The following TTLL8 variants were observed in gnomAD, a reference collection of about 807,000 sequenced individuals.
The protein encoded by TTLL8 is protein monoglycylase TTLL8.
In TTLL8, 65 loss-of-function variants were observed where a neutral mutation model predicts 77.8. The ratio of observed to expected loss-of-function variants is 0.84; its 90% confidence interval spans 0.68 to 1.03. The LOEUF (loss-of-function observed/expected upper bound fraction) is 1.03, where lower values mean the gene tolerates loss of function less well. Among genes scored for constraint, TTLL8 ranks in the 50% least tolerant of loss-of-function variants. TTLL8 has a pLI of 0.00. For missense variants in TTLL8, 910 were observed against 1,004.5 expected (o/e 0.91, Z 1.27); for synonymous variants, 402 against 422.8 (o/e 0.95, Z 0.60).
At chr22:50,045,626 T>A (rs1252579045) in intron 5 of TTLL8, among the ~76,000 whole-genome samples, 1 of 152,164 alleles carries the variant, frequency 6.6e-6, no homozygotes, top group Non-Finnish European at 1.5e-5. Context: ...TTGCCCCAGC[T>A]GCTCGCCGCG....
At chr22:50,030,442 G>T in exon 12 of TTLL8, 1 of 1,333,300 alleles carries the variant, frequency 7.5e-7, no homozygotes, top group Non-Finnish European at 9.9e-7. Flanking sequence ...TTTCCTCCGG[G>T]CGGCGGACGC....
chr22:50,034,304 G>A lies in TTLL8; in HGVS notation c.1039+41C>T. On this transcript the variant is annotated intron_variant, in intron 9 of 13. Transcript: ENST00000266182. This position sits in a 1 kb window ranked among gnomAD's most constrained non-coding sequence, Gnocchi z 4.1. ...CTCACGGCTCCTGGCATCAAGTGTG[G>A]CCGTTGGTGGCTATGAACGCGGTGC... is the stretch of plus-strand genomic sequence containing the variant. The A allele has an allele frequency of 1.5e-6, 2 of 1,338,348 alleles. No individual in the cohort carries two copies. Among genetic ancestry groups the A allele is most frequent in the South Asian group, 1.2e-5 (1 of 85,698 alleles). The allele number at this position is 1,338,348 out of a possible 1,614,324, so 82.9% of individuals were successfully genotyped here.
chr22:50,047,211 T>A (rs2061418155), exon 4 of TTLL8: 1 of 1,367,622 alleles, frequency 7.3e-7, no homozygotes, highest in Non-Finnish European at 9.8e-7. Flanking sequence ...GTTCAGCATC[T>A]GGTCGTAGGT....
intron 12 of TTLL8, among the ~76,000 whole-genome samples, chr22:50,025,842 C>G (rs1329366266): frequency 1.3e-5 from 2 of 152,150 alleles, no homozygotes; most frequent in Non-Finnish European, 2.9e-5. Context: ...ATGAGATATC[C>G]GTACACCTAC....
chr22:50,024,109 GA>G (rs2146627587), intron 12 of TTLL8, among the ~76,000 whole-genome samples: 1 of 152,302 alleles, frequency 6.6e-6, no homozygotes, highest in East Asian at 1.9e-4. Context: ...AACAAAATTG[GA>G]AAATGTATAC....
intron 12 of TTLL8, 183 bp downstream of exon 13, chr22:50,030,247 G>A: frequency 2.0e-6 from 2 of 985,194 alleles, no homozygotes; most frequent in South Asian, 9.4e-5. Context: ...GTGCCGGGCT[G>A]GGACAGGTGC....
chr22:50,044,829 G>A lies in TTLL8; in HGVS notation c.643+426C>T, dbSNP rs146616546. 2.6e-5 allele frequency among the ~76,000 whole-genome samples: 4 copies of A among 152,206 alleles called. No homozygotes were observed. Among genetic ancestry groups the A allele is most frequent in the South Asian group, 4.2e-4 (2 of 4,816 alleles). The stretch of plus-strand genomic sequence containing the variant: ...TTTGGGTTTTGTCCAAAAACACGAC[G>A]GCTGGTTCACATCCCTGTACCACCC... On this transcript the variant is annotated intron_variant, in intron 6 of 13. Coordinates refer to ENST00000266182, the Ensembl canonical transcript of TTLL8. This position sits in a 1 kb window ranked among gnomAD's most constrained non-coding sequence, Gnocchi z 4.2.
Position 50,032,117 on chromosome 22 carries a change from G to A in TTLL8, c.1284-8C>T, listed in dbSNP as rs1187071755. 7.4e-7 allele frequency: 1 copy of A among 1,348,314 alleles called. No homozygotes were observed. Among genetic ancestry groups the A allele is most frequent in the African/African-American group, 1.5e-5 (1 of 67,494 alleles). 83.5% of individuals were successfully genotyped at this position (1,348,314 alleles called of 1,614,324 possible). A position where few individuals can be genotyped will look rare whatever the true frequency, so the allele number is the denominator to read the frequency against. ...TTGCACAGGTGGATGGCGCTGCAGG[G>A]GGGACGAGGGGCAGGTGCTCAGCCT... is the stretch of plus-strand genomic sequence containing the variant. On this transcript the variant is annotated splice_region_variant and splice_polypyrimidine_tract_variant and intron_variant, in intron 10 of 13. Transcript: ENST00000266182.
Position 50,041,247 on chromosome 22 carries a change from G to A in TTLL8, c.861C>T (p.Cys287=), listed in dbSNP as rs200159067. The A allele has an allele frequency of 5.3e-4, 262 of 497,526 alleles. No homozygotes were observed. The highest frequency in any genetic ancestry group is 6.3e-4 in the Non-Finnish European group (156 of 247,526). The allele number at this position is 497,526 out of a possible 1,614,324, so 30.8% of individuals were successfully genotyped here. The change falls in exon 8 of 14, where the codon TGC becomes TGT. Residue 287 remains cysteine (C), a synonymous_variant. Coordinates refer to ENST00000266182, the Ensembl canonical transcript of TTLL8. This position sits in a 1 kb window ranked among gnomAD's most constrained non-coding sequence, Gnocchi z 4.3. Reference sequence around the variant, plus strand: ...TCATAACCTTCTGGATTTTGAAGATGCACAAGACAATGCTACTCCCCAAAG... The same window carrying A: ...TCATAACCTTCTGGATTTTGAAGATACACAAGACAATGCTACTCCCCAAAG...
intron 2 of TTLL8, among the ~76,000 whole-genome samples, 187 bp from the exon 5 acceptor site, chr22:50,049,509 C>T (rs1289728517): frequency 6.6e-6 from 1 of 152,186 alleles, no homozygotes; most frequent in African/African-American, 2.4e-5. Context: ...ATTCTGGCAG[C>T]CCCCATACAT....
rs764506597 is a variant in TTLL8, at chr22:50,049,240, G to GTCA, written c.264+8_264+9insTGA. Reference sequence around the variant, plus strand: ...CCGCAGCTGACCATGACGCATGCAGGGGACGTACCATCACGTCGTGGATGT... The same window carrying GTCA: ...CCGCAGCTGACCATGACGCATGCAGGTCAGGACGTACCATCACGTCGTGGATGT... On this transcript the variant is annotated intron_variant, in intron 3 of 13. Transcript: ENST00000266182. 3.4e-5 allele frequency: 46 copies of GTCA among 1,367,506 alleles called. No homozygotes were observed. Among genetic ancestry groups the GTCA allele is most frequent in the African/African-American group, 4.4e-5 (3 of 67,754 alleles). The allele number at this position is 1,367,506 out of a possible 1,614,324, so 84.7% of individuals were successfully genotyped here.
In TTLL8 at chr22:50,031,940, T is replaced by A; in HGVS notation, c.1453A>T (p.Lys485Ter). 1 of 1,366,958 alleles carries A rather than the reference T, an allele frequency of 7.3e-7. No homozygotes were observed. The highest frequency in any genetic ancestry group is 1.1e-5 in the South Asian group (1 of 88,056). The allele number at this position is 1,366,958 out of a possible 1,614,324, so 84.7% of individuals were successfully genotyped here. The change falls in exon 11 of 14, where the codon AAG (lysine) becomes TAG (stop). Residue 485 changes from lysine (K) to a stop codon, truncating the protein, a stop_gained. Transcript: ENST00000266182. LOFTEE classifies it high-confidence loss of function. Reference sequence around the variant, plus strand: ...ACCTTCATGGCGTGGGCGATGGCCTTCTTCATGGACGGGTAGATGACGCTG... The same window carrying A: ...ACCTTCATGGCGTGGGCGATGGCCTACTTCATGGACGGGTAGATGACGCTG...
intron 9 of TTLL8, 135 bp from the exon 11 acceptor site, chr22:50,033,580 G>A (rs2146653926): frequency 1.3e-6 from 1 of 745,276 alleles, no homozygotes; most frequent in African/African-American, 1.8e-5. Context: ...AGGCAGCATG[G>A]TTGGTGGGGG....
intron 10 of TTLL8, among the ~76,000 whole-genome samples, chr22:50,032,661 C>T (rs901931980): frequency 6.6e-6 from 1 of 152,202 alleles, no homozygotes; most frequent in Non-Finnish European, 1.5e-5. Flanking sequence ...GTCAGGTCCC[C>T]TAGCGCCTCA....
chr22:50,047,859 A>T (rs2061422134), intron 3 of TTLL8, among the ~76,000 whole-genome samples: 3 of 152,212 alleles, frequency 2.0e-5, no homozygotes, highest in Admixed American at 2.0e-4. Context: ...ACACTTTGGG[A>T]GGCCAAGGCA....
At chr22:50,023,712 T>C (rs1240146220) in intron 12 of TTLL8, among the ~76,000 whole-genome samples, 2 of 145,180 alleles carry the variant, frequency 1.4e-5, no homozygotes, top group Non-Finnish European at 3.0e-5. Flanking sequence ...AATAAATAAA[T>C]AAATAAATAC....
intron 8 of TTLL8, among the ~76,000 whole-genome samples, chr22:50,038,544 A>C (rs573249993): frequency 6.6e-6 from 1 of 152,334 alleles, no homozygotes; most frequent in African/African-American, 2.4e-5. Flanking sequence ...GTGTGTAGTC[A>C]GTCACGCCTG....
chr22:50,057,750 T>C (rs73183363), upstream of TTLL8, among the ~76,000 whole-genome samples: 23,209 of 133,322 alleles, frequency 0.17, 2,961 homozygotes, highest in African/African-American at 0.35. Context: ...CAGGTCTCAA[T>C]TGGGGATCAG....
At position 50,034,733 on chromosome 22, in the gene TTLL8, C is replaced by A. The variant is rs878865314; in HGVS notation, c.922-271G>T. Among the ~76,000 whole-genome samples the A allele has an allele frequency of 4.0e-5, 6 of 150,534 alleles. No homozygotes were observed. Among genetic ancestry groups the A allele is most frequent in the Admixed American group, 2.0e-4 (3 of 15,052 alleles). ...ACAGTGGGGACCCCGGTGTGTGGGT[C>A]GGAGCTGGCCACAGACCCCAAGCAG... On this transcript the variant is annotated intron_variant, in intron 8 of 13. Transcript: ENST00000266182. The surrounding 1 kb of genome is among the most constrained non-coding windows in gnomAD (Gnocchi z 4.1).
Sources: allele counts gnomAD v4.1 joint callset (sites outside exome capture counted in the v4.1 genomes callset), GRCh38; gene constraint gnomAD v4.1.1; non-coding constraint Gnocchi (gnomAD v3.1); transcripts MANE v1.5; gene names NCBI Gene and HGNC (gene_info 2026-07-23, HGNC 2026-07-21).